The following NBEAL1 variants were observed in gnomAD, a reference collection of about 807,000 sequenced individuals.
NBEAL1 encodes neurobeachin-like protein 1.
Under a neutral mutation model 351.3 loss-of-function variants are expected in NBEAL1, and 273 were observed. The observed-to-expected ratio is 0.78, with a 90% CI of 0.70 to 0.86. The LOEUF is 0.86. Among genes scored for constraint, NBEAL1 ranks in the 40% least tolerant of loss-of-function variants. The pLI, the probability that NBEAL1 is intolerant of heterozygous loss-of-function variation, is 0.00. For missense variants in NBEAL1, 2,961 were observed against 3,201.3 expected (o/e 0.92, Z 1.81); for synonymous variants, 1,050 against 1,086.4 (o/e 0.97, Z 0.66).
intron 47 of NBEAL1, among the ~76,000 whole-genome samples, chr2:203,196,709 A>G (rs1403843601): frequency 2.0e-5 from 3 of 152,224 alleles, no homozygotes; most frequent in Non-Finnish European, 2.9e-5. Flanking sequence ...TCATTTACCT[A>G]GTAAATATTA....
chr2:203,114,521 T>C (rs544697076), intron 17 of NBEAL1, among the ~76,000 whole-genome samples: 1 of 152,346 alleles, frequency 6.6e-6, no homozygotes, highest in Non-Finnish European at 1.5e-5. Flanking sequence ...CTTTTGGCTA[T>C]GATTTTAAAC....
Position 203,224,892 on chromosome 2 carries a change from G to C in NBEAL1, c.*7538G>C, listed in dbSNP as rs1222727662. Among the ~76,000 whole-genome samples the C allele has an allele frequency of 6.6e-6, 1 of 152,100 alleles. No individual in the cohort carries two copies. The highest frequency in any genetic ancestry group is 1.5e-5 in the Non-Finnish European group (1 of 67,996). On this transcript the variant is annotated 3_prime_UTR_variant, in exon 56 of 56. Transcript: ENST00000683969. ...TCTCATTGTAGTTAAGTTACTGTTA[G>C]TTTGGTGCAATACATTCTTTCCTTC...
chr2:203,216,550 G>A (rs1048371923), intron 55 of NBEAL1, among the ~76,000 whole-genome samples: 1 of 151,858 alleles, frequency 6.6e-6, no homozygotes, highest in African/African-American at 2.4e-5. Flanking sequence ...TCACCAGCCT[G>A]GGCAATATAG....
chr2:203,213,161 A>G (rs1009237283), intron 54 of NBEAL1, among the ~76,000 whole-genome samples: 4 of 152,224 alleles, frequency 2.6e-5, no homozygotes, highest in Non-Finnish European at 5.9e-5. Context: ...ATAAGATGTA[A>G]AAACTGAAGT....
At chr2:203,185,987 G>C (rs934617531) in intron 44 of NBEAL1, among the ~76,000 whole-genome samples, 1 of 152,118 alleles carries the variant, frequency 6.6e-6, no homozygotes, top group Admixed American at 6.5e-5. Context: ...CCTCCTACAT[G>C]CAAAATATAT....
intron 3 of NBEAL1, among the ~76,000 whole-genome samples, chr2:203,045,593 C>T (rs2061213484): frequency 6.6e-6 from 1 of 152,104 alleles, no homozygotes; most frequent in Non-Finnish European, 1.5e-5. Context: ...TAATTACAAT[C>T]AGGTATTCAT....
intron 35 of NBEAL1, among the ~76,000 whole-genome samples, chr2:203,153,899 G>A (rs2063727907): frequency 6.6e-6 from 1 of 151,802 alleles, no homozygotes; most frequent in African/African-American, 2.4e-5. Flanking sequence ...GTAATTTTAT[G>A]TCCCTTCTTA....
chr2:203,184,290 G>A (rs2064829367), intron 44 of NBEAL1, among the ~76,000 whole-genome samples: 2 of 151,966 alleles, frequency 1.3e-5, no homozygotes, highest in South Asian at 4.2e-4. Context: ...AATTAGGTGG[G>A]TGTGTTGGCG....
intron 2 of NBEAL1, chr2:203,041,036 G>A (rs779756450): frequency 2.3e-5 from 5 of 220,516 alleles, no homozygotes; most frequent in South Asian, 2.2e-4. Flanking sequence ...AAATATAGTG[G>A]CTTATGTTCA....
intron 18 of NBEAL1, 127 bp from the exon 19 acceptor site, chr2:203,122,127 A>G: frequency 1.8e-6 from 1 of 554,068 alleles, no homozygotes; most frequent in Non-Finnish European, 3.1e-6. Context: ...ACTAAAATTC[A>G]TATTATGGGC....
intron 41 of NBEAL1, among the ~76,000 whole-genome samples, chr2:203,174,894 T>A (rs542575068): frequency 1.6e-5 from 2 of 125,188 alleles, no homozygotes; most frequent in African/African-American, 5.7e-5. Context: ...AATAAATAAA[T>A]AAAAATAAAA....
chr2:203,084,346 A>T, intron 9 of NBEAL1, 117 bp from the exon 10 acceptor site: 1 of 479,718 alleles, frequency 2.1e-6, no homozygotes, highest in Non-Finnish European at 3.6e-6. Flanking sequence ...GTGTCATTTT[A>T]AAAATACTGA....
At chr2:203,066,322 C>G (rs1250992517) in intron 6 of NBEAL1, among the ~76,000 whole-genome samples, 1 of 120,338 alleles carries the variant, frequency 8.3e-6, no homozygotes, top group Admixed American at 8.9e-5. Context: ...TAAATTTTAT[C>G]CTTTTTTTTT....
rs148705424 is a variant in NBEAL1, at chr2:203,107,796, G to T, written c.1557G>T (p.Gly519=). 22 of 1,554,398 alleles carry T rather than the reference G, an allele frequency of 1.4e-5. No individual in the cohort carries two copies. In the South Asian group the frequency reaches 2.3e-4, roughly 16 times the overall value. Reference sequence around the variant, plus strand: ...CTACTTGTGTCAATGCAAACATGGGGATTAGAATCATTGAAACCCTTGACT... The same window carrying T: ...CTACTTGTGTCAATGCAAACATGGGTATTAGAATCATTGAAACCCTTGACT... ...SRTTCVNANM[G]IRIIETLDLH... The change falls in exon 14 of 56, where the codon GGG becomes GGT. Residue 519 remains glycine (G), a synonymous_variant. Transcript: ENST00000683969.
At chr2:203,201,469 G>A (rs2065395915) in intron 49 of NBEAL1, 74 bp from the exon 50 acceptor site, 2 of 1,215,012 alleles carry the variant, frequency 1.6e-6, no homozygotes, top group South Asian at 5.9e-5. Context: ...TTTTTAGAGA[G>A]GTTTAAAAAG....
Position 203,175,304 on chromosome 2 carries a change from T to A in NBEAL1, c.6464+17T>A, listed in dbSNP as rs1220741366. 6.2e-7 allele frequency: 1 copy of A among 1,612,974 alleles called. No homozygotes were observed. The highest frequency in any genetic ancestry group is 1.3e-5 in the African/African-American group (1 of 74,888). The stretch of plus-strand genomic sequence containing the variant: ...GAGTGGAAGGTATGTTTTGAGTAAA[T>A]AAGCTATTTTTTTATGACTATGTTA... On this transcript the variant is annotated intron_variant, in intron 42 of 55. Transcript: ENST00000683969.
At chr2:203,113,412 A>G (rs1456467865) in intron 17 of NBEAL1, 94 bp downstream of exon 17, 1 of 689,928 alleles carries the variant, frequency 1.4e-6, no homozygotes, top group Non-Finnish European at 2.1e-6. Flanking sequence ...ATAGAAGAAT[A>G]TATTCTGAAG....
rs116394786 is a variant in NBEAL1 at position 203,221,606 on chromosome 2, C to A, written c.*4252C>A. Among the ~76,000 whole-genome samples the A allele has an allele frequency of 9.3e-3, 1,413 of 152,182 alleles. 16 individuals are homozygous for A. The highest frequency in any genetic ancestry group is 0.032 in the African/African-American group (1,329 of 41,510). ...TCATGGCTTATCCTACGCATTGTTCCTCTCATCAGCTGAAACTGTTTCTCC... is the reference window on the plus strand; with the variant it reads ...TCATGGCTTATCCTACGCATTGTTCATCTCATCAGCTGAAACTGTTTCTCC... On this transcript the variant is annotated 3_prime_UTR_variant, in exon 56 of 56. Coordinates refer to ENST00000683969, the MANE Select transcript of NBEAL1 (RefSeq NM_001378026.1).
chr2:203,175,085 C>G, intron 41 of NBEAL1, 62 bp from the exon 42 acceptor site: 1 of 1,353,028 alleles, frequency 7.4e-7, no homozygotes, highest in Non-Finnish European at 1.0e-6. Context: ...AAAATACAAA[C>G]TTATGCCCCC....
Sources: gnomAD v4.1 joint callset for allele counts (sites outside exome capture counted in the v4.1 genomes callset) on GRCh38, gnomAD v4.1.1 for gene constraint, MANE v1.5 for transcripts, NCBI Gene and HGNC (gene_info 2026-07-23, HGNC 2026-07-21) for gene names.